SLC16A10: variants seen among roughly 807,000 people sequenced by gnomAD.
SLC16A10 encodes the protein monocarboxylate transporter 10.
A neutral mutation model predicts 40.0 loss-of-function variants in SLC16A10; 27 were observed. That is an observed-to-expected ratio of 0.67 (90% CI 0.50 to 0.93). The LOEUF (loss-of-function observed/expected upper bound fraction) is 0.93, where lower values mean the gene tolerates loss of function less well. SLC16A10 is among the 40% of genes least tolerant of loss of function. The probability of loss-of-function intolerance (pLI) is 0.00; values close to 1 mark genes in which losing one functional copy is unlikely to be tolerated. For synonymous variants in SLC16A10, 213 were observed against 249.8 expected (o/e 0.85, Z 1.39); for missense variants, 529 against 658.2 (o/e 0.80, Z 2.15).
Position 111,098,796 on chromosome 6 carries a change from G to C in SLC16A10, c.343+10701G>C, listed in dbSNP as rs1353339316. Among the ~76,000 whole-genome samples the C allele has an allele frequency of 2.0e-5, 3 of 152,202 alleles. No homozygotes were observed. In the East Asian group the frequency reaches 5.8e-4, roughly 29 times the overall value. On this transcript the variant is annotated intron_variant, in intron 1 of 5. Transcript: ENST00000368851. ...ACGACATTCCACAAAGTTAATTGAT[G>C]TTTTAGTGTGAATGGGGCAGGAAGT...
chr6:111,137,420 A>G lies in SLC16A10; in HGVS notation c.344-35275A>G, dbSNP rs368198398. Among the ~76,000 whole-genome samples the G allele has an allele frequency of 1.1e-3, 160 of 152,318 alleles. 2 individuals carry two copies. In the South Asian group the frequency reaches 0.031, roughly 30 times the overall value. ...GTCAGAGCCTGTGAAGTGTGCCAAA[A>G]AATAATCCCCTGCACTTCAGGCCAT... On this transcript the variant is annotated intron_variant, in intron 1 of 5. Transcript: ENST00000368851.
At chr6:111,102,583 T>C (rs1218477554) in intron 1 of SLC16A10, among the ~76,000 whole-genome samples, 1 of 152,200 alleles carries the variant, frequency 6.6e-6, no homozygotes, top group African/African-American at 2.4e-5. Flanking sequence ...ATCTTAGGCC[T>C]TAGATTCTCA....
chr6:111,178,518 G>A (rs933814073), intron 3 of SLC16A10: 13 of 493,084 alleles, frequency 2.6e-5, no homozygotes, highest in African/African-American at 1.8e-4. Flanking sequence ...CAAGACCAGC[G>A]TGGGCAACAT....
In SLC16A10 at chr6:111,206,751, T is replaced by A. The variant is rs780553509; in HGVS notation, c.1086+16T>A. On this transcript the variant is annotated intron_variant, in intron 4 of 5. Transcript: ENST00000368851. Reference sequence around the variant, plus strand: ...TTATCTACAGGTACTTTTTTACACCTTTTTTCCCCTATCAAAAATTACTCT... The same window carrying A: ...TTATCTACAGGTACTTTTTTACACCATTTTTCCCCTATCAAAAATTACTCT... 1 of 1,602,510 alleles carries A rather than the reference T, an allele frequency of 6.2e-7. No individual in the cohort carries two copies. Among genetic ancestry groups the A allele is most frequent in the South Asian group, 1.1e-5 (1 of 88,648 alleles).
intron 1 of SLC16A10, among the ~76,000 whole-genome samples, chr6:111,121,096 A>G (rs951066697): frequency 1.3e-5 from 2 of 152,204 alleles, no homozygotes; most frequent in African/African-American, 2.4e-5. Flanking sequence ...AAATTTTGGA[A>G]TATACAATAC....
At chr6:111,144,586 A>C (rs532480728) in intron 1 of SLC16A10, among the ~76,000 whole-genome samples, 42 of 152,242 alleles carry the variant, frequency 2.8e-4, no homozygotes, top group Non-Finnish European at 6.0e-4. Context: ...TATTTGTATA[A>C]ATGTCTAGAA....
At chr6:111,221,916 A>G in intron 5 of SLC16A10, 87 bp from the exon 6 acceptor site, 1 of 1,230,796 alleles carries the variant, frequency 8.1e-7, no homozygotes. Context: ...CTGATGTCTG[A>G]GATGTCTGAA....
At chr6:111,153,286 G>A (rs1330384124) in intron 1 of SLC16A10, among the ~76,000 whole-genome samples, 1 of 152,192 alleles carries the variant, frequency 6.6e-6, no homozygotes, top group Non-Finnish European at 1.5e-5. Context: ...TGTAATCGCA[G>A]CACTTTGGGA....
At chr6:111,100,359 AATT>A (rs1293275051) in intron 1 of SLC16A10, among the ~76,000 whole-genome samples, 1 of 152,066 alleles carries the variant, frequency 6.6e-6, no homozygotes, top group Non-Finnish European at 1.5e-5. Flanking sequence ...TTGAATTTGT[AATT>A]ATTTGGGGAT....
In SLC16A10 at chr6:111,225,127, G is replaced by GT. The variant is rs1267324677; in HGVS notation, c.*2893dup. The GT allele has an allele frequency of 6.6e-6, 1 of 152,146 alleles. No individual in the cohort carries two copies. The highest frequency in any genetic ancestry group is 6.5e-5 in the Admixed American group (1 of 15,280). The allele number at this position is 152,146 out of a possible 1,614,324, so 9.4% of individuals were successfully genotyped here. A position where few individuals can be genotyped will look rare whatever the true frequency, so the allele number is the denominator to read the frequency against. ...TTGCTGGGATCCATCCATTTAAGCAGTAATATACCACCCAGATTATTGATA... is the reference window on the plus strand; with the variant it reads ...TTGCTGGGATCCATCCATTTAAGCAGTTAATATACCACCCAGATTATTGATA... On this transcript the variant is annotated 3_prime_UTR_variant, in exon 6 of 6. Coordinates refer to ENST00000368851, the MANE Select transcript of SLC16A10 (RefSeq NM_018593.5).
At chr6:111,130,624 C>G (rs1288284291) in intron 1 of SLC16A10, among the ~76,000 whole-genome samples, 6 of 152,216 alleles carry the variant, frequency 3.9e-5, no homozygotes, top group Admixed American at 2.6e-4. Flanking sequence ...CCATTCACTT[C>G]TGCTGCTACT....
At chr6:111,133,382 T>C (rs911103884) in intron 1 of SLC16A10, among the ~76,000 whole-genome samples, 1 of 152,120 alleles carries the variant, frequency 6.6e-6, no homozygotes, top group Non-Finnish European at 1.5e-5. Context: ...ATAGGAAATG[T>C]TCCCCCCAAG....
intron 4 of SLC16A10, among the ~76,000 whole-genome samples, chr6:111,216,456 T>C (rs1199839275): frequency 6.6e-6 from 1 of 151,930 alleles, no homozygotes; most frequent in Non-Finnish European, 1.5e-5. Context: ...CAGGCTGGAG[T>C]GCAGTGGGGC....
intron 3 of SLC16A10, among the ~76,000 whole-genome samples, chr6:111,188,403 T>G (rs1316037562): frequency 6.6e-6 from 1 of 152,188 alleles, no homozygotes; most frequent in Non-Finnish European, 1.5e-5. Flanking sequence ...TCACTTTGCT[T>G]TTTCTTCAAG....
At chr6:111,115,474 G>A (rs1484824457) in intron 1 of SLC16A10, among the ~76,000 whole-genome samples, 6 of 152,212 alleles carry the variant, frequency 3.9e-5, no homozygotes. Context: ...CTCCCAAATT[G>A]TTGGGATTAC....
intron 1 of SLC16A10, among the ~76,000 whole-genome samples, chr6:111,139,988 A>C (rs1771952409): frequency 6.6e-6 from 1 of 152,208 alleles, no homozygotes; most frequent in Admixed American, 6.5e-5. Flanking sequence ...AAGGAAACAG[A>C]CACTGGGATC....
intron 1 of SLC16A10, among the ~76,000 whole-genome samples, chr6:111,154,046 A>G (rs1772224177): frequency 6.6e-6 from 1 of 152,236 alleles, no homozygotes; most frequent in Admixed American, 6.5e-5. Context: ...TCCAGAATTT[A>G]AAATTATAGA....
chr6:111,147,631 G>C (rs1772102897), intron 1 of SLC16A10, among the ~76,000 whole-genome samples: 1 of 152,164 alleles, frequency 6.6e-6, no homozygotes, highest in Non-Finnish European at 1.5e-5. Context: ...TGCCTTCTCA[G>C]GGGGAGTGTT....
chr6:111,170,903 C>T (rs907177906), intron 1 of SLC16A10, among the ~76,000 whole-genome samples: 1 of 152,046 alleles, frequency 6.6e-6, no homozygotes, highest in Non-Finnish European at 1.5e-5. Flanking sequence ...TTTGGGAGGC[C>T]AGGGTGGGCC....
Sources: allele counts gnomAD v4.1 joint callset (sites outside exome capture counted in the v4.1 genomes callset), GRCh38; gene constraint gnomAD v4.1.1; transcripts MANE v1.5; gene names NCBI Gene and HGNC (gene_info 2026-07-23, HGNC 2026-07-21).